KIF1A: variants seen among roughly 807,000 people sequenced by gnomAD.
KIF1A encodes the protein kinesin-like protein KIF1A.
In KIF1A, 46 loss-of-function variants were observed where a neutral mutation model predicts 227.3. That is an observed-to-expected ratio of 0.20 (90% confidence interval 0.16 to 0.26). KIF1A has a LOEUF of 0.26. Among genes scored for constraint, KIF1A ranks in the 10% least tolerant of loss-of-function variants. KIF1A has a pLI of 1.00. For missense variants in KIF1A, 1,683 were observed against 2,485.9 expected (o/e 0.68, Z 6.87); for synonymous variants, 1,022 against 1,012.8 (o/e 1.01, Z -0.17).
chr2:240,799,877 T>A (rs2056804672), intron 1 of KIF1A, among the ~76,000 whole-genome samples: 2 of 152,144 alleles, frequency 1.3e-5, no homozygotes, highest in South Asian at 4.2e-4. Flanking sequence ...CATTCAACAG[T>A]GCAAAATTTC....
chr2:240,789,151 G>T lies in KIF1A; in HGVS notation c.183+85C>A. On this transcript the variant is annotated intron_variant, in intron 3 of 48. Transcript: ENST00000498729. This position sits in a 1 kb window ranked among gnomAD's most constrained non-coding sequence, Gnocchi z 4.8. The stretch of plus-strand genomic sequence containing the variant: ...TCGCCCCAGTTAGAGAGGAATGAGC[G>T]GCTCAGAGAAGTTGAGGGACCCCGA... 1 of 1,082,534 alleles carries T rather than the reference G, an allele frequency of 9.2e-7. No homozygotes were observed. Among genetic ancestry groups the T allele is most frequent in the Non-Finnish European group, 1.4e-6 (1 of 706,506 alleles). 67.1% of individuals were successfully genotyped at this position (1,082,534 alleles called of 1,614,324 possible). A position where few individuals can be genotyped will look rare whatever the true frequency, so the allele number is the denominator to read the frequency against.
rs1226879048 is a variant in KIF1A, at chr2:240,757,098, G to A, written c.2858+221C>T. On this transcript the variant is annotated intron_variant, in intron 27 of 48. Coordinates refer to ENST00000498729, the MANE Select transcript of KIF1A (RefSeq NM_001244008.2). This position sits in a 1 kb window ranked among gnomAD's most constrained non-coding sequence, Gnocchi z 6.2. ...CCTGGAACCCAGACTCTTCCCTGCCGGCCCAAAGCGACCGTCTCCAGGATG... is the reference window on the plus strand; with the variant it reads ...CCTGGAACCCAGACTCTTCCCTGCCAGCCCAAAGCGACCGTCTCCAGGATG... Among the ~76,000 whole-genome samples, 5 of 152,194 alleles carry A rather than the reference G, an allele frequency of 3.3e-5. No homozygotes were observed. Among genetic ancestry groups the A allele is most frequent in the South Asian group, 4.1e-4 (2 of 4,834 alleles).
chr2:240,782,416 G>T (rs542106626), intron 10 of KIF1A, among the ~76,000 whole-genome samples, 174 bp downstream of exon 10: 2 of 152,220 alleles, frequency 1.3e-5, no homozygotes, highest in East Asian at 3.9e-4. Flanking sequence ...GCAGGCACAG[G>T]CACCGCACGG....
In KIF1A at chr2:240,757,520, G is replaced by C; in HGVS notation, c.2657C>G (p.Pro886Arg). 1 of 1,550,580 alleles carries C rather than the reference G, an allele frequency of 6.4e-7. No homozygotes were observed. The highest frequency in any genetic ancestry group is 1.4e-5 in the African/African-American group (1 of 73,174). The stretch of plus-strand genomic sequence containing the variant: ...GTCGGGGCTCGAGAAGGTGGGGGAG[G>C]GGGTGAGAGCAGCCATGCGCTCGCT... ...CMSERMAALT[P>R]SPTFSSPDSD... Residue 886 changes from proline (P) to arginine (R), a missense_variant, in exon 27 of 49, where the codon CCC (proline) becomes CGC (arginine). Coordinates refer to ENST00000498729, the MANE Select transcript of KIF1A (RefSeq NM_001244008.2). This position sits in a 1 kb window ranked among gnomAD's most constrained non-coding sequence, Gnocchi z 6.2.
intron 37 of KIF1A, among the ~76,000 whole-genome samples, chr2:240,738,027 G>A (rs2125727611): frequency 6.6e-6 from 1 of 152,340 alleles, no homozygotes; most frequent in South Asian, 2.1e-4. Flanking sequence ...GTGGATCCCA[G>A]CAAAGTGCCC....
chr2:240,730,607 C>A (rs532571688), intron 38 of KIF1A, among the ~76,000 whole-genome samples: 1 of 152,320 alleles, frequency 6.6e-6, no homozygotes, highest in African/African-American at 2.4e-5. Context: ...CAGATGGCAG[C>A]CAGGGCTGAC....
In KIF1A at chr2:240,781,431, CCACA is replaced by C. The variant is rs1207804684; in HGVS notation, c.882+1155_882+1158del. On this transcript the variant is annotated intron_variant, in intron 10 of 48. Transcript: ENST00000498729. ...CAGCTCCACACACACACACACAGCT[CCACA>C]CACACACACACACACACACACACAG... Among the ~76,000 whole-genome samples the C allele has an allele frequency of 5.1e-3, 112 of 21,960 alleles. 9 individuals are homozygous for C. The highest frequency in any genetic ancestry group is 0.038 in the Middle Eastern group (1 of 26). The allele number at this position is 21,960 out of a possible 152,430, so 14.4% of individuals were successfully genotyped here.
intron 1 of KIF1A, among the ~76,000 whole-genome samples, chr2:240,801,310 TA>T (rs60783171): frequency 0.48 from 70,604 of 147,678 alleles, 18,346 homozygotes; most frequent in African/African-American, 0.72. Context: ...CTGGAAACTA[TA>T]AAAAAAAAAA....
chr2:240,788,595 C>T lies in KIF1A; in HGVS notation c.184-365G>A, dbSNP rs936960964. On this transcript the variant is annotated intron_variant, in intron 3 of 48. Coordinates refer to ENST00000498729, the MANE Select transcript of KIF1A (RefSeq NM_001244008.2). The surrounding 1 kb of genome is among the most constrained non-coding windows in gnomAD (Gnocchi z 6.6). Reference sequence around the variant, plus strand: ...GGGACAGGGTGCAAAGGCCCAGAGACCCCACAGGCTGGGCTACAGCGCCTG... The same window carrying T: ...GGGACAGGGTGCAAAGGCCCAGAGATCCCACAGGCTGGGCTACAGCGCCTG... Among the ~76,000 whole-genome samples the T allele has an allele frequency of 2.0e-5, 3 of 152,078 alleles. No individual in the cohort carries two copies. Among genetic ancestry groups the T allele is most frequent in the Non-Finnish European group, 4.4e-5 (3 of 68,004 alleles).
chr2:240,766,810 C>T lies in KIF1A; in HGVS notation c.1684+105G>A, dbSNP rs11681427. The T allele has an allele frequency of 0.18, 120,906 of 674,322 alleles. 12,144 individuals are homozygous for T. Among genetic ancestry groups the T allele is most frequent in the Non-Finnish European group, 0.21 (82,931 of 385,772 alleles). The allele number at this position is 674,322 out of a possible 1,614,324, so 41.8% of individuals were successfully genotyped here. On this transcript the variant is annotated intron_variant, in intron 19 of 48. Transcript: ENST00000498729. This position sits in a 1 kb window ranked among gnomAD's most constrained non-coding sequence, Gnocchi z 5.0. ...ACGTCCTGCCTAGAAGTATGACTCGCGACCCACTTAGTGCTGGGTAAGCTG... is the reference window on the plus strand; with the variant it reads ...ACGTCCTGCCTAGAAGTATGACTCGTGACCCACTTAGTGCTGGGTAAGCTG...
intron 46 of KIF1A, 66 bp downstream of exon 46, chr2:240,719,708 G>A: frequency 1.4e-6 from 2 of 1,438,390 alleles, no homozygotes; most frequent in South Asian, 1.5e-5. Context: ...TGGGGAGCAG[G>A]GTGGCCTGCC....
At chr2:240,723,891 T>C in intron 41 of KIF1A, 84 bp downstream of exon 41, 1 of 1,162,598 alleles carries the variant, frequency 8.6e-7, no homozygotes, top group Non-Finnish European at 1.3e-6. Context: ...CCCCTGCAAA[T>C]GGCAGCTTCG....
intron 38 of KIF1A, among the ~76,000 whole-genome samples, chr2:240,728,920 A>T (rs933933398): frequency 6.6e-6 from 1 of 152,190 alleles, no homozygotes; most frequent in African/African-American, 2.4e-5. Flanking sequence ...CTACCTCAAG[A>T]TGTCTTGCAG....
intron 10 of KIF1A, among the ~76,000 whole-genome samples, chr2:240,777,711 C>A (rs920763781): frequency 1.3e-5 from 2 of 152,252 alleles, no homozygotes; most frequent in African/African-American, 4.8e-5. Flanking sequence ...CCGCCCGCTG[C>A]TGCCACTAAA....
intron 2 of KIF1A, 57 bp downstream of exon 2, chr2:240,797,590 G>A: frequency 8.0e-7 from 1 of 1,246,896 alleles, no homozygotes; most frequent in Non-Finnish European, 1.2e-6. Flanking sequence ...ATAGGCACAG[G>A]ACCATGGCCC....
At position 240,720,893 on chromosome 2, in the gene KIF1A, G is replaced by A. The variant is rs199616395; in HGVS notation, c.4868+21C>T. ...CAGCCGTGGTGCCAGAAGCCACTCC[G>A]GGAGCCTGGAGCTCACTCACCTCAG... is the stretch of plus-strand genomic sequence containing the variant. On this transcript the variant is annotated intron_variant, in intron 45 of 48. Coordinates refer to ENST00000498729, the MANE Select transcript of KIF1A (RefSeq NM_001244008.2). The A allele has an allele frequency of 2.8e-4, 427 of 1,540,568 alleles. No individual in the cohort carries two copies. In the Middle Eastern group the frequency reaches 2.8e-3, roughly 10 times the overall value.
intron 14 of KIF1A, among the ~76,000 whole-genome samples, chr2:240,772,092 T>C (rs1404842628): frequency 6.6e-6 from 1 of 152,192 alleles, no homozygotes; most frequent in Non-Finnish European, 1.5e-5. Context: ...TTCTGGCATT[T>C]CCAGAGTTGA....
At chr2:240,773,636 G>A (rs2052317670) in intron 12 of KIF1A, among the ~76,000 whole-genome samples, 1 of 152,282 alleles carries the variant, frequency 6.6e-6, no homozygotes, top group South Asian at 2.1e-4. Flanking sequence ...TGCTCACACC[G>A]TGTACCAGCC....
At chr2:240,722,719 A>C in intron 42 of KIF1A, 63 bp from the exon 43 acceptor site, 9 of 1,321,138 alleles carry the variant, frequency 6.8e-6, no homozygotes, top group Non-Finnish European at 9.2e-6. Flanking sequence ...AGTTGTGCTC[A>C]GCCTCAGCAG....
Sources: gnomAD v4.1 joint callset for allele counts (sites outside exome capture counted in the v4.1 genomes callset) on GRCh38, gnomAD v4.1.1 for gene constraint, Gnocchi (gnomAD v3.1) non-coding constraint, MANE v1.5 for transcripts, NCBI Gene and HGNC (gene_info 2026-07-23, HGNC 2026-07-21) for gene names.